Variants in PIK3C2G observed in about 807,000 individuals in gnomAD.
PIK3C2G encodes phosphatidylinositol 3-kinase C2 domain-containing subunit gamma.
PIK3C2G carries 168 observed loss-of-function variants against 181.1 expected under a neutral mutation model. The ratio of observed to expected loss-of-function variants is 0.93; its 90% CI spans 0.82 to 1.05. The LOEUF (loss-of-function observed/expected upper bound fraction) is 1.05, where lower values mean the gene tolerates loss of function less well. PIK3C2G is among the 50% of genes least tolerant of loss of function. The pLI is 0.00. For synonymous variants in PIK3C2G, 573 were observed against 592.2 expected, an observed-to-expected ratio of 0.97 and a Z score of 0.47; for missense variants, 1,869 against 1,732.8, an observed-to-expected ratio of 1.08 and a Z score of -1.40.
At chr12:18,651,628 G>C (rs1950523687), downstream of PIK3C2G, among the ~76,000 whole-genome samples, 1 of 152,008 alleles carries the variant, frequency 6.6e-6, no homozygotes, top group South Asian at 2.1e-4. Context: ...CCTCATTCTA[G>C]ACCACAGTCT....
intron 18 of PIK3C2G, among the ~76,000 whole-genome samples, chr12:18,456,429 G>A (rs1198755755): frequency 1.3e-5 from 2 of 152,098 alleles, no homozygotes; most frequent in East Asian, 3.9e-4. Context: ...GGGTCTTCCA[G>A]TTTCATGGTG....
the PIK3C2G span, among the ~76,000 whole-genome samples, chr12:18,666,107 C>G: frequency 6.6e-6 from 1 of 151,270 alleles, no homozygotes; most frequent in Non-Finnish European, 1.5e-5. Flanking sequence ...AAAGTGTATA[C>G]TAAAACAAAT....
At chr12:18,722,120 C>T in the PIK3C2G span, among the ~76,000 whole-genome samples, 1 of 152,030 alleles carries the variant, frequency 6.6e-6, no homozygotes, top group Non-Finnish European at 1.5e-5. Context: ...CCCTTCTTGT[C>T]ATTTAAGTCT....
the PIK3C2G span, among the ~76,000 whole-genome samples, chr12:18,673,773 T>C: frequency 1.3e-5 from 2 of 152,192 alleles, no homozygotes; most frequent in Non-Finnish European, 2.9e-5. Flanking sequence ...CCTCTTTCAG[T>C]AGCTGTTGGA....
chr12:18,581,171 T>G (rs936176110), intron 29 of PIK3C2G, among the ~76,000 whole-genome samples: 17 of 152,248 alleles, frequency 1.1e-4, no homozygotes, highest in African/African-American at 3.1e-4. Context: ...ACAAAGTATC[T>G]GAACTTAAAC....
Position 18,290,909 on chromosome 12 carries a change from G to C in PIK3C2G, c.816G>C (p.Trp272Cys). 6.3e-7 allele frequency: 1 copy of C among 1,597,082 alleles called. No individual in the cohort carries two copies. Among genetic ancestry groups the C allele is most frequent in the African/African-American group, 1.3e-5 (1 of 74,728 alleles). Reference protein sequence around the residue: ...ADVNFNSGKIWSTTTAFPYQL... With the variant: ...ADVNFNSGKICSTTTAFPYQL... ...TTAATTTCAATTCTGGGAAGATCTG[G>C]AGCACTACTACAGCATTTCCGTATC... Residue 272 changes from tryptophan (W) to cysteine (C), a missense_variant, in exon 4 of 33, where the codon TGG (tryptophan) becomes TGC (cysteine). Coordinates refer to ENST00000538779, the MANE Select transcript of PIK3C2G (RefSeq NM_001288772.2).
At chr12:18,680,114 T>G in the PIK3C2G span, among the ~76,000 whole-genome samples, 1 of 152,036 alleles carries the variant, frequency 6.6e-6, no homozygotes, top group African/African-American at 2.4e-5. Flanking sequence ...ACAGATGTTT[T>G]TGCAGTACTG....
In PIK3C2G at chr12:18,559,821, T is replaced by TAGAGAGAGAG. The variant is rs1171468138; in HGVS notation, c.3591-2846_3591-2837dup. On this transcript the variant is annotated intron_variant, in intron 26 of 32. Transcript: ENST00000538779. ...ATATATATATATATATATATATATA[T>TAGAGAGAGAG]AGAGAGAGAGAGAGAGAGAGAGAGA... Among the ~76,000 whole-genome samples the TAGAGAGAGAG allele has an allele frequency of 4.1e-3, 75 of 18,358 alleles. 2 individuals carry two copies. The highest frequency in any genetic ancestry group is 3.6e-3 in the Non-Finnish European group (38 of 10,460). The allele number at this position is 18,358 out of a possible 152,430, so 12.0% of individuals were successfully genotyped here.
chr12:18,349,709 A>T (rs977240852), intron 11 of PIK3C2G, among the ~76,000 whole-genome samples: 7 of 152,142 alleles, frequency 4.6e-5, no homozygotes, highest in African/African-American at 1.7e-4. Flanking sequence ...GATGAGATAA[A>T]TTTATCGTTT....
rs189555401 is a variant in PIK3C2G at position 18,290,131 on chromosome 12, C to T, written c.762-724C>T. 9.5e-3 allele frequency among the ~76,000 whole-genome samples: 1,450 copies of T among 152,084 alleles called. 28 individuals are homozygous for T. The highest frequency in any genetic ancestry group is 0.032 in the African/African-American group (1,317 of 41,500). On this transcript the variant is annotated intron_variant, in intron 3 of 32. Transcript: ENST00000538779. ...GATATTAATATCCACCTCAGTAAAC[C>T]TTTGAGGTAGCTATTAATATCTTTA... is the stretch of plus-strand genomic sequence containing the variant.
At chr12:18,498,602 T>C (rs1043030621) in intron 22 of PIK3C2G, among the ~76,000 whole-genome samples, 1 of 152,002 alleles carries the variant, frequency 6.6e-6, no homozygotes, top group African/African-American at 2.4e-5. Context: ...AGCTACAATT[T>C]AAACCTGTCA....
intron 15 of PIK3C2G, among the ~76,000 whole-genome samples, chr12:18,391,980 CAT>C (rs1203301445): frequency 2.6e-5 from 4 of 152,030 alleles, no homozygotes; most frequent in South Asian, 2.1e-4. Flanking sequence ...ACAAGGGAAT[CAT>C]GTGACCAGAA....
chr12:18,277,632 G>A (rs1177219947), intron 1 of PIK3C2G, among the ~76,000 whole-genome samples: 1 of 152,024 alleles, frequency 6.6e-6, no homozygotes, highest in Non-Finnish European at 1.5e-5. Flanking sequence ...GATATTCTTA[G>A]TAATGTGGCC....
chr12:18,305,196 G>T (rs1468320818), intron 5 of PIK3C2G, among the ~76,000 whole-genome samples: 3 of 152,092 alleles, frequency 2.0e-5, no homozygotes, highest in African/African-American at 7.2e-5. Context: ...TTCTGTGCTA[G>T]AACAAATGTC....
chr12:18,588,769 C>G (rs1260688651), intron 29 of PIK3C2G, among the ~76,000 whole-genome samples: 1 of 152,026 alleles, frequency 6.6e-6, no homozygotes, highest in African/African-American at 2.4e-5. Flanking sequence ...TATAAATCAT[C>G]CTATCATAAA....
At chr12:18,524,629 A>T (rs941012594) in intron 24 of PIK3C2G, among the ~76,000 whole-genome samples, 2 of 150,464 alleles carry the variant, frequency 1.3e-5, no homozygotes, top group Admixed American at 6.6e-5. Context: ...GCAACATCGC[A>T]ATCTTGGCTC....
chr12:18,626,851 T>C (rs1057488463), intron 31 of PIK3C2G, among the ~76,000 whole-genome samples: 1 of 152,070 alleles, frequency 6.6e-6, no homozygotes, highest in Admixed American at 6.6e-5. Context: ...TTGATTCTTA[T>C]ATGTTGTGTT....
In PIK3C2G at chr12:18,497,581, A is replaced by G. The variant is rs781667263; in HGVS notation, c.2887-38A>G. On this transcript the variant is annotated intron_variant, in intron 21 of 32. Coordinates refer to ENST00000538779, the MANE Select transcript of PIK3C2G (RefSeq NM_001288772.2). ...TTGACTGCTTTTAATTAACAAATTCAAGGAAAAACCCAGGGTCTATAATTT... is the reference window on the plus strand; with the variant it reads ...TTGACTGCTTTTAATTAACAAATTCGAGGAAAAACCCAGGGTCTATAATTT... The G allele has an allele frequency of 1.9e-6, 3 of 1,568,058 alleles. No individual in the cohort carries two copies. The African/African-American group carries it at 4.1e-5, about 21-fold the overall frequency.
At chr12:18,447,015 T>A (rs1022305825) in intron 18 of PIK3C2G, among the ~76,000 whole-genome samples, 5 of 152,228 alleles carry the variant, frequency 3.3e-5, no homozygotes, top group African/African-American at 7.2e-5. Context: ...TAGGTGGTGA[T>A]CTTATACTTC....
Sources: gnomAD v4.1 joint callset for allele counts (sites outside exome capture counted in the v4.1 genomes callset) on GRCh38, gnomAD v4.1.1 for gene constraint, MANE v1.5 for transcripts, NCBI Gene and HGNC (gene_info 2026-07-23, HGNC 2026-07-21) for gene names.